The following GPC5 variants were observed in gnomAD, a reference collection of about 807,000 sequenced individuals.
The protein encoded by GPC5 is glypican 5, also known as glypican-5.
A neutral mutation model predicts 53.9 loss-of-function variants in GPC5; 47 were observed. The observed-to-expected ratio is 0.87, with a 90% CI of 0.69 to 1.11. The LOEUF (loss-of-function observed/expected upper bound fraction) is 1.11. Ranked by LOEUF, GPC5 falls within the 50% of genes most tolerant of loss-of-function variation. The pLI is 0.00. For synonymous variants in GPC5, 286 were observed against 263.3 expected (o/e 1.09, Z -0.84); for missense variants, 748 against 713.1 (o/e 1.05, Z -0.56).
chr13:92,223,094 G>A (rs2042461024), intron 7 of GPC5, among the ~76,000 whole-genome samples: 1 of 151,884 alleles, frequency 6.6e-6, no homozygotes, highest in Non-Finnish European at 1.5e-5. Flanking sequence ...ATTTTTACAG[G>A]AAATGTGACA....
rs367938393 is a variant in GPC5, at chr13:92,756,097, A to C, written c.1562-110185A>C. ...AAATCCTCAATAAAATACTGGCAAA[A>C]CGAATCCAGCAGCACATCAAAAAGC... is the stretch of plus-strand genomic sequence containing the variant. On this transcript the variant is annotated intron_variant, in intron 7 of 7. Transcript: ENST00000377067. Among the ~76,000 whole-genome samples the C allele has an allele frequency of 2.9e-3, 444 of 151,740 alleles. 2 individuals are homozygous for C. Among genetic ancestry groups the C allele is most frequent in the African/African-American group, 9.6e-3 (399 of 41,450 alleles).
chr13:91,533,481 TG>T (rs1472177640), intron 2 of GPC5, among the ~76,000 whole-genome samples: 2 of 152,222 alleles, frequency 1.3e-5, no homozygotes, highest in African/African-American at 4.8e-5. Flanking sequence ...AACTAAGATT[TG>T]GGACCATGCC....
chr13:91,600,563 A>G (rs181928515), intron 2 of GPC5, among the ~76,000 whole-genome samples: 71 of 152,282 alleles, frequency 4.7e-4, no homozygotes, highest in African/African-American at 1.5e-3. Flanking sequence ...TAAAAATTAA[A>G]ATAATGTTTA....
At chr13:91,490,768 A>G (rs1358217671) in intron 2 of GPC5, among the ~76,000 whole-genome samples, 1 of 152,154 alleles carries the variant, frequency 6.6e-6, no homozygotes, top group Non-Finnish European at 1.5e-5. Context: ...TCACTCAGGG[A>G]AAATAGTCAA....
chr13:92,363,156 TG>T (rs1453963608), intron 7 of GPC5, among the ~76,000 whole-genome samples: 17 of 151,616 alleles, frequency 1.1e-4, no homozygotes, highest in Non-Finnish European at 2.2e-4. Flanking sequence ...CTACCAAAAG[TG>T]GGGCTGGGTG....
intron 2 of GPC5, among the ~76,000 whole-genome samples, chr13:91,620,226 A>G (rs558773930): frequency 4.2e-4 from 64 of 152,212 alleles, no homozygotes; most frequent in African/African-American, 1.5e-3. Flanking sequence ...TCCATTATTA[A>G]TCACAGACAA....
At chr13:91,526,763 T>C (rs1012410098) in intron 2 of GPC5, among the ~76,000 whole-genome samples, 3 of 152,184 alleles carry the variant, frequency 2.0e-5, no homozygotes, top group Non-Finnish European at 2.9e-5. Context: ...AGAGATGTAA[T>C]TGACTCACAG....
intron 7 of GPC5, among the ~76,000 whole-genome samples, chr13:92,208,656 A>G (rs546133128): frequency 2.0e-5 from 3 of 152,356 alleles, no homozygotes; most frequent in Admixed American, 6.5e-5. Flanking sequence ...GGCAATAAAG[A>G]AATAAAGAGG....
intron 7 of GPC5, among the ~76,000 whole-genome samples, chr13:92,655,872 T>C (rs73623467): frequency 6.6e-6 from 1 of 152,128 alleles, no homozygotes. Flanking sequence ...AAAAGTCATA[T>C]ATTTATCTGA....
chr13:92,636,522 G>A (rs1366926894), intron 7 of GPC5, among the ~76,000 whole-genome samples: 1 of 152,066 alleles, frequency 6.6e-6, no homozygotes, highest in Non-Finnish European at 1.5e-5. Flanking sequence ...ATACTTTGAA[G>A]CAGAAGCAGA....
chr13:92,114,498 C>G (rs1282527968), intron 6 of GPC5, among the ~76,000 whole-genome samples: 1 of 152,100 alleles, frequency 6.6e-6, no homozygotes, highest in African/African-American at 2.4e-5. Flanking sequence ...GAATTTATAC[C>G]AATTAGATGA....
intron 7 of GPC5, among the ~76,000 whole-genome samples, chr13:92,726,365 T>G (rs1157163188): frequency 6.6e-6 from 1 of 151,486 alleles, no homozygotes; most frequent in Non-Finnish European, 1.5e-5. Context: ...AACCAAGAAT[T>G]CTGTACTATT....
intron 6 of GPC5, among the ~76,000 whole-genome samples, chr13:91,915,594 CTGT>C (rs1167390623): frequency 3.3e-5 from 5 of 152,096 alleles, no homozygotes; most frequent in African/African-American, 1.2e-4. Context: ...GCCGGGTTTA[CTGT>C]TCTTAAAATG....
rs541952699 is a variant in GPC5 at position 92,366,853 on chromosome 13, C to T, written c.1561+221864C>T. ...GCATTAACACTTCAAGACTAGTGCA[C>T]ATATCAGAGATATGAATACAATTTT... On this transcript the variant is annotated intron_variant, in intron 7 of 7. Coordinates refer to ENST00000377067, the MANE Select transcript of GPC5 (RefSeq NM_004466.6). 5.3e-5 allele frequency among the ~76,000 whole-genome samples: 8 copies of T among 152,296 alleles called. No individual in the cohort carries two copies. The South Asian group carries it at 1.7e-3, about 32-fold the overall frequency.
At chr13:92,665,663 G>A (rs138519774) in intron 7 of GPC5, among the ~76,000 whole-genome samples, 1 of 152,110 alleles carries the variant, frequency 6.6e-6, no homozygotes, top group Non-Finnish European at 1.5e-5. Context: ...TGCTCTAAAA[G>A]GATGCTTTCT....
chr13:91,877,162 G>C (rs939946267), intron 5 of GPC5, among the ~76,000 whole-genome samples: 2 of 152,226 alleles, frequency 1.3e-5, no homozygotes, highest in East Asian at 1.9e-4. Flanking sequence ...CCCTCATGGA[G>C]AACCTCTGCC....
At chr13:92,052,597 T>G (rs1664648519) in intron 6 of GPC5, among the ~76,000 whole-genome samples, 1 of 152,094 alleles carries the variant, frequency 6.6e-6, no homozygotes, top group African/African-American at 2.4e-5. Flanking sequence ...AGAGTGCTGA[T>G]TGGTGAGTTT....
chr13:92,494,537 C>T (rs1034856486), intron 7 of GPC5, among the ~76,000 whole-genome samples: 3 of 152,032 alleles, frequency 2.0e-5, no homozygotes, highest in East Asian at 1.9e-4. Flanking sequence ...TTTTTCTTTT[C>T]GTATTCTAAG....
At chr13:92,216,576 C>G (rs2042411742) in intron 7 of GPC5, among the ~76,000 whole-genome samples, 1 of 152,174 alleles carries the variant, frequency 6.6e-6, no homozygotes, top group South Asian at 2.1e-4. Context: ...AAAGAAACCA[C>G]AAATGATAAT....
Sources: allele counts gnomAD v4.1 joint callset (sites outside exome capture counted in the v4.1 genomes callset), GRCh38; gene constraint gnomAD v4.1.1; transcripts MANE v1.5; gene names NCBI Gene and HGNC (gene_info 2026-07-23, HGNC 2026-07-21).